Variants in PCDHGA5 observed in about 807,000 individuals in gnomAD.
PCDHGA5 encodes protocadherin gamma subfamily A, 5.
Under a neutral mutation model 56.7 loss-of-function variants are expected in PCDHGA5, and 36 were observed. The observed-to-expected ratio is 0.64, with a 90% CI of 0.49 to 0.84. The LOEUF (loss-of-function observed/expected upper bound fraction) is 0.84, where lower values mean the gene tolerates loss of function less well. PCDHGA5 is among the 40% of genes least tolerant of loss of function. PCDHGA5 has a pLI of 0.00. For synonymous variants in PCDHGA5, 563 were observed against 520.2 expected, an observed-to-expected ratio of 1.08 and a Z score of -1.12; for missense variants, 1,305 against 1,201.5, an observed-to-expected ratio of 1.09 and a Z score of -1.27.
Position 141,463,645 on chromosome 5 carries a change from G to T in PCDHGA5, c.2422-31162G>T, listed in dbSNP as rs372962993. ...TTGTATTTTGTTTAGTAGAGACGGG[G>T]TTTCACCGTGTTAGCCAGGATGGTC... On this transcript the variant is annotated intron_variant, in intron 1 of 3. Transcript: ENST00000518069. 7.9e-5 allele frequency among the ~76,000 whole-genome samples: 12 copies of T among 151,840 alleles called. No individual in the cohort carries two copies. In the East Asian group the frequency reaches 2.1e-3, roughly 27 times the overall value.
chr5:141,388,747 C>T (rs1434278785), intron 1 of PCDHGA5: 2 of 1,613,862 alleles, frequency 1.2e-6, no homozygotes, highest in African/African-American at 1.3e-5. Context: ...AGCCAGATCA[C>T]CCAATTTGAC....
chr5:141,418,821 C>G (rs750200042), intron 1 of PCDHGA5: 1 of 1,613,846 alleles, frequency 6.2e-7, no homozygotes, highest in Non-Finnish European at 8.5e-7. Flanking sequence ...AACATAGAAG[C>G]AAAAGACCGA....
chr5:141,418,738 T>G lies in PCDHGA5; in HGVS notation c.2421+51987T>G, dbSNP rs781221446. 4.3e-6 allele frequency: 7 copies of G among 1,613,964 alleles called. No homozygotes were observed. In the South Asian group the frequency reaches 6.6e-5, roughly 15 times the overall value. On this transcript the variant is annotated intron_variant, in intron 1 of 3. Transcript: ENST00000518069. ...CTGACAAAGCTCAGCACGTGTTCTC[T>G]CTGGATTACACTACAGGAAACATTC...
rs745989563 is a variant in PCDHGA5, at chr5:141,490,728, T to G, written c.2422-4079T>G. The G allele has an allele frequency of 6.2e-7, 1 of 1,614,148 alleles. No individual in the cohort carries two copies. Among genetic ancestry groups the G allele is most frequent in the East Asian group, 2.2e-5 (1 of 44,882 alleles). ...GCCTCACCTACTCCATTGTAGGAAA[T>G]CAGGTTCAGGGAGCCCCAGCCTCCT... On this transcript the variant is annotated intron_variant, in intron 1 of 3. Transcript: ENST00000518069. The surrounding 1 kb of genome is among the most constrained non-coding windows in gnomAD (Gnocchi z 5.4).
chr5:141,421,578 T>G, intron 1 of PCDHGA5: 1 of 1,613,886 alleles, frequency 6.2e-7, no homozygotes, highest in Non-Finnish European at 8.5e-7. Flanking sequence ...CCTTGAAGAT[T>G]TACGGAGTGG....
chr5:141,370,216 C>A, intron 1 of PCDHGA5: 1 of 567,976 alleles, frequency 1.8e-6, no homozygotes, highest in Non-Finnish European at 3.0e-6. Context: ...TGGCTCCTCC[C>A]GCTGCAGCCA....
At chr5:141,391,795 A>G (rs1220181718) in intron 1 of PCDHGA5, 2 of 152,206 alleles carry the variant, frequency 1.3e-5, no homozygotes, top group African/African-American at 4.8e-5. Context: ...GCAGTTTTTT[A>G]GATCAAAGTG....
At position 141,477,938 on chromosome 5, in the gene PCDHGA5, T is replaced by C. The variant is rs1441443411; in HGVS notation, c.2422-16869T>C. The stretch of plus-strand genomic sequence containing the variant: ...TGCAGGGCACAATGCCTGGCTCTCC[T>C]ACAGTCTCTTGGGATCCCCTAACCA... On this transcript the variant is annotated intron_variant, in intron 1 of 3. Transcript: ENST00000518069. The surrounding 1 kb of genome is among the most constrained non-coding windows in gnomAD (Gnocchi z 4.9). The C allele has an allele frequency of 3.1e-6, 5 of 1,614,036 alleles. No homozygotes were observed. The highest frequency in any genetic ancestry group is 4.2e-6 in the Non-Finnish European group (5 of 1,180,030).
In PCDHGA5 at chr5:141,364,657, G is replaced by A. The variant is rs1232643990; in HGVS notation, c.327G>A (p.Leu109=). ...SPLCVVNFNI[L]VENKMKIYGV... ...TGTGTGTGGTGAACTTTAACATCTT[G>A]GTTGAGAACAAAATGAAAATTTATG... is the stretch of plus-strand genomic sequence containing the variant. Residue 109 remains leucine (L), a synonymous_variant, in exon 1 of 4, where the codon TTG becomes TTA. Coordinates refer to ENST00000518069, the MANE Select transcript of PCDHGA5 (RefSeq NM_018918.3). The A allele has an allele frequency of 1.9e-6, 3 of 1,613,916 alleles. No homozygotes were observed. Among genetic ancestry groups the A allele is most frequent in the African/African-American group, 2.7e-5 (2 of 74,946 alleles).
intron 1 of PCDHGA5, chr5:141,478,104 CTG>C: frequency 6.2e-7 from 1 of 1,614,118 alleles, no homozygotes; most frequent in Middle Eastern, 1.6e-4. Context: ...GCTACCCTCA[CTG>C]TGTCAGTAAC....
intron 1 of PCDHGA5, chr5:141,427,798 T>C: frequency 6.6e-7 from 1 of 1,506,550 alleles, no homozygotes; most frequent in South Asian, 1.1e-5. Flanking sequence ...TACGTGTCCG[T>C]GAGCGCACAG....
chr5:141,387,661 G>C (rs2091032284), intron 1 of PCDHGA5: 2 of 656,114 alleles, frequency 3.0e-6, no homozygotes, highest in East Asian at 5.7e-5. Context: ...AGAGCTTGGC[G>C]CTCCAGATCT....
At chr5:141,367,089 C>A in intron 1 of PCDHGA5, 1 of 258,634 alleles carries the variant, frequency 3.9e-6, no homozygotes, top group Non-Finnish European at 7.4e-6. Flanking sequence ...ATATTGTTCT[C>A]TTTTGAGTGT....
Position 141,432,184 on chromosome 5 carries a change from C to T in PCDHGA5, c.2422-62623C>T, listed in dbSNP as rs774512372. 3.7e-6 allele frequency: 6 copies of T among 1,614,164 alleles called. No homozygotes were observed. The highest frequency in any genetic ancestry group is 2.2e-5 in the South Asian group (2 of 91,080). On this transcript the variant is annotated intron_variant, in intron 1 of 3. Transcript: ENST00000518069. The surrounding 1 kb of genome is among the most constrained non-coding windows in gnomAD (Gnocchi z 6.0). Reference sequence around the variant, plus strand: ...GAGGAGTTTCCCTCGTCTCTGTGACCGCCCACGACCCCGACTGTGAAGAGA... The same window carrying T: ...GAGGAGTTTCCCTCGTCTCTGTGACTGCCCACGACCCCGACTGTGAAGAGA...
intron 1 of PCDHGA5, chr5:141,400,105 T>C (rs1282646842): frequency 6.2e-7 from 1 of 1,613,938 alleles, no homozygotes; most frequent in Non-Finnish European, 8.5e-7. Context: ...GCACTTGGTC[T>C]TTGCTGACAG....
chr5:141,403,791 A>C (rs1265792011), intron 1 of PCDHGA5: 4 of 1,613,782 alleles, frequency 2.5e-6, no homozygotes, highest in Non-Finnish European at 3.4e-6. Flanking sequence ...GTGGCATACA[A>C]ATTCTGGAAA....
intron 1 of PCDHGA5, chr5:141,413,327 A>G (rs200027912): frequency 6.2e-7 from 1 of 1,613,984 alleles, no homozygotes; most frequent in Non-Finnish European, 8.5e-7. Context: ...TTCGTGGGCA[A>G]CATCTCCAAG....
In PCDHGA5 at chr5:141,415,152, C is replaced by G. The variant is rs758450562; in HGVS notation, c.2421+48401C>G. ...AGGACCACGGCCAGCCCCCTCTCTCCGCCACTGTCACGCTCACCGTGGCCG... is the reference window on the plus strand; with the variant it reads ...AGGACCACGGCCAGCCCCCTCTCTCGGCCACTGTCACGCTCACCGTGGCCG... On this transcript the variant is annotated intron_variant, in intron 1 of 3. Transcript: ENST00000518069. The G allele has an allele frequency of 1.9e-6, 3 of 1,613,812 alleles. No individual in the cohort carries two copies. In the Admixed American group the frequency reaches 5.0e-5, roughly 27 times the overall value.
At chr5:141,417,892 C>T (rs550343206) in intron 1 of PCDHGA5, 13 of 1,570,660 alleles carry the variant, frequency 8.3e-6, no homozygotes, top group African/African-American at 5.4e-5. Flanking sequence ...GGCGCCGGGC[C>T]GGCCCGCGGC....
Sources: gnomAD v4.1 joint callset for allele counts (sites outside exome capture counted in the v4.1 genomes callset) on GRCh38, gnomAD v4.1.1 for gene constraint, Gnocchi (gnomAD v3.1) non-coding constraint, MANE v1.5 for transcripts, NCBI Gene and HGNC (gene_info 2026-07-23, HGNC 2026-07-21) for gene names.